The following NELL1 variants were observed in gnomAD, a reference collection of about 807,000 sequenced individuals.
NELL1 encodes neural EGFL like 1.
Under a neutral mutation model 107.4 loss-of-function variants are expected in NELL1, and 76 were observed. That is an observed-to-expected ratio of 0.71 (90% CI 0.59 to 0.86). The LOEUF is 0.86. Among genes scored for constraint, NELL1 ranks in the 40% least tolerant of loss-of-function variants. The probability of loss-of-function intolerance (pLI) is 0.00; values close to 1 mark genes in which losing one functional copy is unlikely to be tolerated. For synonymous variants in NELL1, 353 were observed against 341.2 expected, an observed-to-expected ratio of 1.03 and a Z score of -0.38; for missense variants, 1,024 against 1,005.5, an observed-to-expected ratio of 1.02 and a Z score of -0.25.
At chr11:21,143,303 TG>T (rs984970396) in intron 13 of NELL1, among the ~76,000 whole-genome samples, 1 of 152,176 alleles carries the variant, frequency 6.6e-6, no homozygotes, top group Non-Finnish European at 1.5e-5. Context: ...AATTTTTGCT[TG>T]GGACAATAAT....
chr11:21,417,307 T>G, intron 15 of NELL1, among the ~76,000 whole-genome samples: 1 of 152,106 alleles, frequency 6.6e-6, no homozygotes. Flanking sequence ...TTTCCATTAA[T>G]GAGGTGCTGC....
At chr11:21,253,928 A>T (rs749241000) in intron 14 of NELL1, among the ~76,000 whole-genome samples, 10 of 152,120 alleles carry the variant, frequency 6.6e-5, no homozygotes, top group Non-Finnish European at 2.9e-5. Context: ...CTTAGTTTAA[A>T]TTTGAAGGAC....
chr11:21,181,838 A>G (rs1856834116), intron 13 of NELL1, among the ~76,000 whole-genome samples: 1 of 151,914 alleles, frequency 6.6e-6, no homozygotes, highest in Non-Finnish European at 1.5e-5. Flanking sequence ...TTTTTCTACT[A>G]GTGTACTGAA....
intron 2 of NELL1, among the ~76,000 whole-genome samples, chr11:20,735,494 G>T (rs962381210): frequency 6.6e-6 from 1 of 152,168 alleles, no homozygotes; most frequent in African/African-American, 2.4e-5. Context: ...TCACTATCAT[G>T]AGAACAGCAG....
intron 14 of NELL1, among the ~76,000 whole-genome samples, chr11:21,267,632 T>A (rs1028986213): frequency 2.0e-5 from 3 of 151,798 alleles, no homozygotes; most frequent in Non-Finnish European, 3.0e-5. Context: ...GTGTCTCATA[T>A]GAATGTCATT....
chr11:21,493,684 C>A (rs1564922962), intron 15 of NELL1, among the ~76,000 whole-genome samples: 1 of 152,088 alleles, frequency 6.6e-6, no homozygotes, highest in African/African-American at 2.4e-5. Context: ...CAATATTTGA[C>A]AGCAGATAGG....
intron 14 of NELL1, chr11:21,260,600 T>G (rs1312517823): frequency 6.6e-6 from 1 of 151,730 alleles, no homozygotes; most frequent in Non-Finnish European, 1.5e-5. Flanking sequence ...TGAAGAAGAG[T>G]GTTTGAAGTT....
At chr11:21,344,812 G>C (rs1850650482) in intron 14 of NELL1, among the ~76,000 whole-genome samples, 2 of 151,898 alleles carry the variant, frequency 1.3e-5, no homozygotes, top group South Asian at 4.2e-4. Context: ...GCAATTTTTG[G>C]CTGTGAAAAT....
chr11:21,544,813 A>G (rs1856393045), intron 16 of NELL1, among the ~76,000 whole-genome samples: 2 of 151,854 alleles, frequency 1.3e-5, no homozygotes, highest in African/African-American at 4.8e-5. Flanking sequence ...ATGAATATAA[A>G]TTCCTATTCT....
At chr11:21,287,720 G>A (rs1849156494) in intron 14 of NELL1, among the ~76,000 whole-genome samples, 1 of 151,724 alleles carries the variant, frequency 6.6e-6, no homozygotes, top group Non-Finnish European at 1.5e-5. Flanking sequence ...CCTTTTTTGG[G>A]GAGTCTTATC....
chr11:21,038,199 A>G (rs1157218232), intron 12 of NELL1, among the ~76,000 whole-genome samples: 2 of 152,182 alleles, frequency 1.3e-5, no homozygotes, highest in Admixed American at 6.5e-5. Flanking sequence ...CCACGAGTCC[A>G]TGTTGTGAAG....
chr11:20,793,572 T>C (rs1857114971), intron 3 of NELL1, among the ~76,000 whole-genome samples: 1 of 152,154 alleles, frequency 6.6e-6, no homozygotes, highest in African/African-American at 2.4e-5. Context: ...AGTTCATTTG[T>C]CTTCAGTATT....
chr11:21,568,235 T>A (rs1014673149), intron 17 of NELL1, among the ~76,000 whole-genome samples: 1 of 151,714 alleles, frequency 6.6e-6, no homozygotes, highest in African/African-American at 2.4e-5. Flanking sequence ...TATTTGTATA[T>A]CCAAACGTAG....
At chr11:20,717,589 G>A (rs915250258) in intron 2 of NELL1, among the ~76,000 whole-genome samples, 1 of 152,096 alleles carries the variant, frequency 6.6e-6, no homozygotes, top group African/African-American at 2.4e-5. Context: ...CTTGACTGGG[G>A]TTTGAACTTA....
At chr11:21,543,793 G>A (rs1373770225) in intron 16 of NELL1, among the ~76,000 whole-genome samples, 2 of 151,984 alleles carry the variant, frequency 1.3e-5, no homozygotes, top group Non-Finnish European at 2.9e-5. Context: ...ACTTCACAAA[G>A]TAACATCAAA....
intron 15 of NELL1, among the ~76,000 whole-genome samples, chr11:21,475,965 T>C (rs1029654787): frequency 5.3e-5 from 8 of 152,194 alleles, no homozygotes; most frequent in African/African-American, 1.9e-4. Context: ...TACTCAAGTA[T>C]TTATGAAATT....
intron 2 of NELL1, among the ~76,000 whole-genome samples, chr11:20,694,818 A>G (rs1854571968): frequency 6.6e-6 from 1 of 151,888 alleles, no homozygotes; most frequent in Non-Finnish European, 1.5e-5. Context: ...TTTTTTTTTA[A>G]TTCTATGAAA....
At chr11:21,502,755 G>C (rs1855173996) in intron 15 of NELL1, among the ~76,000 whole-genome samples, 1 of 152,038 alleles carries the variant, frequency 6.6e-6, no homozygotes, top group South Asian at 2.1e-4. Context: ...TACTCAAAAA[G>C]GTAAAACAAA....
chr11:21,002,466 C>T (rs1852244470), intron 12 of NELL1, among the ~76,000 whole-genome samples: 1 of 152,130 alleles, frequency 6.6e-6, no homozygotes, highest in Admixed American at 6.6e-5. Context: ...GGACAGATTA[C>T]TACTTTCTGT....
Sources: gnomAD v4.1 joint callset for allele counts (sites outside exome capture counted in the v4.1 genomes callset) on GRCh38, gnomAD v4.1.1 for gene constraint, MANE v1.5 for transcripts, NCBI Gene and HGNC (gene_info 2026-07-23, HGNC 2026-07-21) for gene names.